FLI1: variants seen among roughly 807,000 people sequenced by gnomAD.
FLI1 encodes the protein Fli-1 proto-oncogene, ETS transcription factor.
Under a neutral mutation model 53.1 loss-of-function variants are expected in FLI1, and 13 were observed. That is an observed-to-expected ratio of 0.24 (90% CI 0.16 to 0.39). FLI1 has a LOEUF of 0.39. Ranked by LOEUF, FLI1 falls within the 10% of genes least tolerant of loss-of-function variation. The pLI is 1.00. For missense variants in FLI1, 424 were observed against 600.5 expected (o/e 0.71, Z 3.07); for synonymous variants, 244 against 236.7 (o/e 1.03, Z -0.28).
At chr11:128,710,844 T>C (rs894670427) in intron 1 of FLI1, among the ~76,000 whole-genome samples, 1 of 152,236 alleles carries the variant, frequency 6.6e-6, no homozygotes, top group Non-Finnish European at 1.5e-5. Context: ...CCAAAATCTC[T>C]CTTTTGAAGA....
At chr11:128,797,742 C>T (rs1942483564) in intron 5 of FLI1, among the ~76,000 whole-genome samples, 1 of 152,058 alleles carries the variant, frequency 6.6e-6, no homozygotes, top group African/African-American at 2.4e-5. Flanking sequence ...TCAATTAAAT[C>T]CAATAAGTTG....
intron 2 of FLI1, among the ~76,000 whole-genome samples, chr11:128,760,571 A>G (rs1941075577): frequency 7.9e-6 from 1 of 127,148 alleles, no homozygotes; most frequent in East Asian, 2.2e-4. Flanking sequence ...TCTGTTGCCC[A>G]GGCTGGAGTG....
At chr11:128,749,850 A>G (rs1478163012) in intron 1 of FLI1, among the ~76,000 whole-genome samples, 5 of 152,114 alleles carry the variant, frequency 3.3e-5, no homozygotes, top group Admixed American at 6.5e-5. Flanking sequence ...AAATGCGCAC[A>G]TGTAGAGAGG....
At chr11:128,782,692 T>C (rs1319366335) in intron 5 of FLI1, among the ~76,000 whole-genome samples, 3 of 152,192 alleles carry the variant, frequency 2.0e-5, no homozygotes, top group Middle Eastern at 3.2e-3. Context: ...AGCAAGACTC[T>C]GTCTCAAAAA....
chr11:128,798,182 T>G (rs983097594), intron 5 of FLI1, among the ~76,000 whole-genome samples: 3 of 152,208 alleles, frequency 2.0e-5, no homozygotes, highest in Non-Finnish European at 4.4e-5. Flanking sequence ...CTAAGAAGTA[T>G]GCAATTTAGT....
At chr11:128,715,014 G>C (rs1233341723) in intron 1 of FLI1, among the ~76,000 whole-genome samples, 1 of 152,066 alleles carries the variant, frequency 6.6e-6, no homozygotes, top group Non-Finnish European at 1.5e-5. Context: ...GCCCTTGAAG[G>C]CATTTTAGCA....
intron 3 of FLI1, among the ~76,000 whole-genome samples, chr11:128,769,176 T>C (rs1327468929): frequency 6.6e-6 from 1 of 152,222 alleles, no homozygotes; most frequent in Non-Finnish European, 1.5e-5. Context: ...AGTCCTTCAG[T>C]CCATTGGCTG....
At chr11:128,744,905 C>G in intron 1 of FLI1, among the ~76,000 whole-genome samples, 1 of 152,088 alleles carries the variant, frequency 6.6e-6, no homozygotes, top group East Asian at 1.9e-4. Context: ...AGATAAAGTG[C>G]CAAATTGGTG....
rs139391532 is a variant in FLI1 at position 128,721,715 on chromosome 11, G to A, written c.18+27439G>A. Among the ~76,000 whole-genome samples the A allele has an allele frequency of 1.1e-3, 172 of 152,280 alleles. 1 individual carries two copies. The highest frequency in any genetic ancestry group is 3.6e-3 in the African/African-American group (151 of 41,554). On this transcript the variant is annotated intron_variant, in intron 1 of 8. Coordinates refer to ENST00000527786, the MANE Select transcript of FLI1 (RefSeq NM_002017.5). The stretch of plus-strand genomic sequence containing the variant: ...TACTCTTGGCACTCTGGGATTTCCT[G>A]TTTCTAAGAAAATGGGCCTAGATGC...
chr11:128,741,564 G>A (rs1480495460), intron 1 of FLI1, among the ~76,000 whole-genome samples: 1 of 152,188 alleles, frequency 6.6e-6, no homozygotes, highest in Admixed American at 6.5e-5. Context: ...TGCAGTGAGA[G>A]CCACAACAAT....
intron 1 of FLI1, among the ~76,000 whole-genome samples, chr11:128,711,998 C>T (rs992534300): frequency 3.9e-5 from 6 of 152,024 alleles, no homozygotes; most frequent in Non-Finnish European, 8.8e-5. Flanking sequence ...AATGAGTATT[C>T]CCTAGGTTTG....
intron 4 of FLI1, among the ~76,000 whole-genome samples, chr11:128,780,324 A>G (rs1010252472): frequency 1.5e-4 from 23 of 152,212 alleles, no homozygotes; most frequent in African/African-American, 5.5e-4. Flanking sequence ...AATTCTTATA[A>G]AATTCTCTTC....
At chr11:128,725,646 C>CT (rs1491234413) in intron 1 of FLI1, among the ~76,000 whole-genome samples, 553 of 32,242 alleles carry the variant, frequency 0.017, 4 homozygotes, top group African/African-American at 0.041. Context: ...CATTCTCTCT[C>CT]CCTCTCTCTC....
chr11:128,791,390 GGGCC>G (rs1445553691), intron 5 of FLI1, among the ~76,000 whole-genome samples: 4 of 152,106 alleles, frequency 2.6e-5, no homozygotes, highest in African/African-American at 4.8e-5. Context: ...TCACCCTTTA[GGGCC>G]GTGGTCAGAT....
At chr11:128,704,974 T>C (rs1469747177) in intron 1 of FLI1, among the ~76,000 whole-genome samples, 1 of 152,210 alleles carries the variant, frequency 6.6e-6, no homozygotes, top group Non-Finnish European at 1.5e-5. Context: ...ATGTAATATT[T>C]CCATTTTGAA....
chr11:128,779,112 C>T (rs1203176135), intron 4 of FLI1, among the ~76,000 whole-genome samples: 1 of 152,232 alleles, frequency 6.6e-6, no homozygotes, highest in Non-Finnish European at 1.5e-5. Flanking sequence ...GACCCTTTCT[C>T]TCAGCTTTCT....
chr11:128,810,470 A>G lies in FLI1; in HGVS notation c.841A>G (p.Ile281Val), dbSNP rs1942908997. 1.3e-6 allele frequency: 2 copies of G among 1,596,024 alleles called. No individual in the cohort carries two copies. Among genetic ancestry groups the G allele is most frequent in the African/African-American group, 2.7e-5 (2 of 74,542 alleles). The change falls in exon 9 of 9, where the codon ATC (isoleucine) becomes GTC (valine). Residue 281 changes from isoleucine (I) to valine (V), a missense_variant. This residue lies in a region of FLI1 where 71 missense variants were observed against 174.2 expected (regional missense o/e 0.41). Coordinates refer to ENST00000527786, the MANE Select transcript of FLI1 (RefSeq NM_002017.5). This position sits in a 1 kb window ranked among gnomAD's most constrained non-coding sequence, Gnocchi z 6.6. ...CTCACGGCGTGCAGGAAGCGGGCAG[A>G]TCCAGCTGTGGCAATTCCTCCTGGA... ...SRLANPGSGQIQLWQFLLELL... is the reference protein window; with the variant it reads ...SRLANPGSGQVQLWQFLLELL...
At chr11:128,686,445 AC>A (rs1865804905), upstream of FLI1, 3 of 456,058 alleles carry the variant, frequency 6.6e-6, no homozygotes, top group Admixed American at 7.1e-5. Flanking sequence ...AAGCCCGGGG[AC>A]GGGACTGAGG....
chr11:128,783,979 C>CT (rs1156667089), intron 5 of FLI1, among the ~76,000 whole-genome samples: 5 of 151,010 alleles, frequency 3.3e-5, no homozygotes, highest in African/African-American at 7.3e-5. Context: ...AAAAGCAAGG[C>CT]TATAAGGAAG....
Sources: allele counts gnomAD v4.1 joint callset (sites outside exome capture counted in the v4.1 genomes callset), GRCh38; gene constraint gnomAD v4.1.1; regional missense constraint gnomAD v4.1.1; non-coding constraint Gnocchi (gnomAD v3.1); transcripts MANE v1.5; gene names NCBI Gene and HGNC (gene_info 2026-07-23, HGNC 2026-07-21).